Variants in GRM8 observed in about 807,000 individuals in gnomAD.
GRM8 encodes the protein glutamate metabotropic receptor 8.
GRM8 carries 47 observed loss-of-function variants against 87.2 expected under a neutral mutation model. That is an observed-to-expected ratio of 0.54 (90% CI 0.43 to 0.69). The LOEUF is 0.69. Among genes scored for constraint, GRM8 ranks in the 30% least tolerant of loss-of-function variants. GRM8 has a pLI of 0.00. For missense variants in GRM8, 1,019 were observed against 1,139.2 expected (o/e 0.89, Z 1.52); for synonymous variants, 396 against 404.5 (o/e 0.98, Z 0.25).
intron 2 of GRM8, among the ~76,000 whole-genome samples, chr7:127,179,591 T>C (rs529509698): frequency 6.6e-6 from 1 of 152,128 alleles, no homozygotes; most frequent in Non-Finnish European, 1.5e-5. Flanking sequence ...ATAGACCATA[T>C]GACAGGCCAT....
chr7:126,552,074 A>T (rs908664857), intron 8 of GRM8, among the ~76,000 whole-genome samples: 1 of 152,084 alleles, frequency 6.6e-6, no homozygotes, highest in Non-Finnish European at 1.5e-5. Flanking sequence ...TGCTTTGAAG[A>T]CCATTCTTCC....
At chr7:126,542,989 G>A (rs1216824326) in intron 8 of GRM8, among the ~76,000 whole-genome samples, 1 of 152,114 alleles carries the variant, frequency 6.6e-6, no homozygotes, top group Non-Finnish European at 1.5e-5. Flanking sequence ...ATGAAAAGAT[G>A]GGATCTAGTT....
At chr7:126,805,911 T>C (rs1483275433) in intron 6 of GRM8, among the ~76,000 whole-genome samples, 2 of 152,222 alleles carry the variant, frequency 1.3e-5, no homozygotes, top group Middle Eastern at 3.2e-3. Context: ...CCAGTTTCCA[T>C]TTGTACAAAC....
At chr7:126,522,868 C>T (rs1813206079) in intron 9 of GRM8, among the ~76,000 whole-genome samples, 1 of 152,186 alleles carries the variant, frequency 6.6e-6, no homozygotes, top group Admixed American at 6.5e-5. Context: ...CCAGTCACTT[C>T]TGTGCTTGGT....
intron 9 of GRM8, among the ~76,000 whole-genome samples, chr7:126,496,942 T>G (rs1460930148): frequency 6.6e-6 from 1 of 151,124 alleles, no homozygotes; most frequent in Non-Finnish European, 1.5e-5. Flanking sequence ...TATCTGTGCT[T>G]TATTCATAAT....
intron 9 of GRM8, among the ~76,000 whole-genome samples, chr7:126,485,498 G>A (rs1297917756): frequency 6.6e-6 from 1 of 151,984 alleles, no homozygotes; most frequent in Non-Finnish European, 1.5e-5. Context: ...ATGATGAGTG[G>A]TGTCTGGGGA....
In GRM8 at chr7:126,489,440, G is replaced by T. The variant is rs140950586; in HGVS notation, c.2431-43068C>A. 6.2e-4 allele frequency among the ~76,000 whole-genome samples: 94 copies of T among 152,102 alleles called. 1 individual carries two copies. Among genetic ancestry groups the T allele is most frequent in the African/African-American group, 2.2e-3 (92 of 41,542 alleles). The stretch of plus-strand genomic sequence containing the variant: ...GTATGCAGTACTTGTCATAGAGGAT[G>T]ATTTGAATATTGGCAAAGTACTATG... On this transcript the variant is annotated intron_variant, in intron 9 of 10. Transcript: ENST00000339582.
At chr7:126,453,640 C>A (rs1055159123) in intron 9 of GRM8, among the ~76,000 whole-genome samples, 3 of 151,724 alleles carry the variant, frequency 2.0e-5, no homozygotes, top group Admixed American at 1.3e-4. Flanking sequence ...GAAAATCTAT[C>A]TGATTTACAA....
At chr7:127,065,239 C>T (rs936488832) in intron 3 of GRM8, among the ~76,000 whole-genome samples, 1 of 152,080 alleles carries the variant, frequency 6.6e-6, no homozygotes, top group Non-Finnish European at 1.5e-5. Context: ...TAGCTGGAGG[C>T]CATTATCCTT....
chr7:126,740,930 A>G (rs1405733025), intron 7 of GRM8, among the ~76,000 whole-genome samples: 1 of 152,132 alleles, frequency 6.6e-6, no homozygotes, highest in African/African-American at 2.4e-5. Context: ...AACCCAAAAT[A>G]CATCTTCCTA....
At chr7:126,979,079 T>C (rs1176388203) in intron 3 of GRM8, among the ~76,000 whole-genome samples, 1 of 152,194 alleles carries the variant, frequency 6.6e-6, no homozygotes, top group Non-Finnish European at 1.5e-5. Flanking sequence ...TACTTTCCTT[T>C]CTTCAATACA....
At chr7:126,496,807 C>G (rs774360393) in intron 9 of GRM8, among the ~76,000 whole-genome samples, 8 of 151,796 alleles carry the variant, frequency 5.3e-5, no homozygotes, top group Non-Finnish European at 1.0e-4. Flanking sequence ...GAGTGTTTCT[C>G]AATTGATTTC....
chr7:127,194,517 T>C (rs943319538), intron 2 of GRM8, among the ~76,000 whole-genome samples: 1 of 152,180 alleles, frequency 6.6e-6, no homozygotes, highest in African/African-American at 2.4e-5. Context: ...TTCTGCATAA[T>C]AATGAAAGGA....
intron 7 of GRM8, among the ~76,000 whole-genome samples, chr7:126,744,980 T>G (rs1383071759): frequency 6.6e-6 from 1 of 151,940 alleles, no homozygotes; most frequent in Non-Finnish European, 1.5e-5. Context: ...ATTATTATTT[T>G]TAGAATGTAA....
At chr7:127,018,496 A>G (rs1815923423) in intron 3 of GRM8, among the ~76,000 whole-genome samples, 2 of 150,534 alleles carry the variant, frequency 1.3e-5, no homozygotes, top group South Asian at 4.2e-4. Flanking sequence ...GTTCAGGGCT[A>G]GGGTTTGGGT....
intron 7 of GRM8, among the ~76,000 whole-genome samples, chr7:126,619,822 C>G (rs889368156): frequency 6.6e-6 from 1 of 152,052 alleles, no homozygotes; most frequent in African/African-American, 2.4e-5. Context: ...TCCTGAGTAG[C>G]TGGGATCACA....
chr7:127,033,500 A>G (rs552104430), intron 3 of GRM8, among the ~76,000 whole-genome samples: 1 of 152,186 alleles, frequency 6.6e-6, no homozygotes, highest in African/African-American at 2.4e-5. Flanking sequence ...TTTTACCTGT[A>G]CCACTTCATT....
intron 9 of GRM8, among the ~76,000 whole-genome samples, chr7:126,525,485 C>T (rs1415156935): frequency 1.3e-5 from 2 of 152,206 alleles, no homozygotes; most frequent in Non-Finnish European, 2.9e-5. Context: ...AGGAGCCCAG[C>T]TGGCCCATAT....
intron 7 of GRM8, among the ~76,000 whole-genome samples, chr7:126,758,079 G>A (rs1817208148): frequency 6.6e-6 from 1 of 152,108 alleles, no homozygotes; most frequent in Non-Finnish European, 1.5e-5. Context: ...CTGATTACAG[G>A]AGATTTATCA....
Sources: allele counts gnomAD v4.1 joint callset (sites outside exome capture counted in the v4.1 genomes callset), GRCh38; gene constraint gnomAD v4.1.1; transcripts MANE v1.5; gene names NCBI Gene and HGNC (gene_info 2026-07-23, HGNC 2026-07-21).